The following TMEFF2 variants were observed in gnomAD, a reference collection of about 807,000 sequenced individuals.
The protein encoded by TMEFF2 is tomoregulin-2.
In TMEFF2, 28 loss-of-function variants were observed where a neutral mutation model predicts 53.8. That is an observed-to-expected ratio of 0.52 (90% confidence interval 0.39 to 0.71). The LOEUF (loss-of-function observed/expected upper bound fraction) is 0.71, where lower values mean the gene tolerates loss of function less well. Ranked by LOEUF, TMEFF2 falls within the 30% of genes least tolerant of loss-of-function variation. The pLI, the probability that TMEFF2 is intolerant of heterozygous loss-of-function variation, is 0.00. For synonymous variants in TMEFF2, 162 were observed against 166.3 expected, an observed-to-expected ratio of 0.97 and a Z score of 0.20; for missense variants, 353 against 455.2, an observed-to-expected ratio of 0.78 and a Z score of 2.04.
At chr2:192,084,880 G>A (rs1226028337) in intron 4 of TMEFF2, among the ~76,000 whole-genome samples, 1 of 152,084 alleles carries the variant, frequency 6.6e-6, no homozygotes, top group Non-Finnish European at 1.5e-5. Flanking sequence ...TGAATTACAG[G>A]CACTTTTTAG....
intron 4 of TMEFF2, among the ~76,000 whole-genome samples, chr2:192,123,956 C>T (rs1165579556): frequency 6.6e-6 from 1 of 152,208 alleles, no homozygotes; most frequent in Non-Finnish European, 1.5e-5. Context: ...TCTGTTGTGA[C>T]ATTTTGTTCT....
intron 4 of TMEFF2, among the ~76,000 whole-genome samples, chr2:192,079,836 T>C (rs1007321507): frequency 6.6e-6 from 1 of 152,186 alleles, no homozygotes; most frequent in African/African-American, 2.4e-5. Flanking sequence ...TCGTGTTGTG[T>C]AAATACAGCC....
chr2:192,077,918 C>G (rs1266410561), intron 4 of TMEFF2, among the ~76,000 whole-genome samples: 2 of 152,030 alleles, frequency 1.3e-5, no homozygotes, highest in Non-Finnish European at 1.5e-5. Flanking sequence ...AAATCTGACT[C>G]CTTGCCACCC....
intron 4 of TMEFF2, among the ~76,000 whole-genome samples, chr2:192,067,582 C>A (rs1353026156): frequency 6.6e-6 from 1 of 151,822 alleles, no homozygotes; most frequent in Non-Finnish European, 1.5e-5. Flanking sequence ...CAACTTTGTA[C>A]TTAATTCTTC....
intron 4 of TMEFF2, among the ~76,000 whole-genome samples, chr2:192,136,845 C>T (rs931174532): frequency 2.0e-5 from 3 of 152,132 alleles, no homozygotes; most frequent in South Asian, 2.1e-4. Flanking sequence ...ATCAAAAGAA[C>T]GTTATACTCC....
At chr2:192,177,237 A>G (rs1346885613) in intron 4 of TMEFF2, 1 of 151,208 alleles carries the variant, frequency 6.6e-6, no homozygotes, top group Non-Finnish European at 1.5e-5. Flanking sequence ...TACGAATTCT[A>G]CAAAAATACA....
chr2:192,099,782 C>A (rs913625935), intron 4 of TMEFF2, among the ~76,000 whole-genome samples: 2 of 143,984 alleles, frequency 1.4e-5, no homozygotes, highest in Non-Finnish European at 3.1e-5. Flanking sequence ...GATGGGATTG[C>A]TTTTTTTTTT....
intron 3 of TMEFF2, among the ~76,000 whole-genome samples, chr2:192,181,337 A>G (rs565337410): frequency 1.3e-5 from 2 of 152,002 alleles, no homozygotes; most frequent in South Asian, 4.1e-4. Flanking sequence ...GTGATAACAC[A>G]TTCTAAATAT....
intron 7 of TMEFF2, among the ~76,000 whole-genome samples, chr2:191,977,231 G>GGGAACTAGTT (rs796964876): frequency 1.1e-4 from 17 of 152,334 alleles, no homozygotes; most frequent in African/African-American, 4.1e-4. Context: ...TGGCTTGTGG[G>GGGAACTAGTT]GGAACTAGTT....
At chr2:191,999,917 A>G (rs921045910) in intron 5 of TMEFF2, among the ~76,000 whole-genome samples, 1 of 151,994 alleles carries the variant, frequency 6.6e-6, no homozygotes, top group African/African-American at 2.4e-5. Context: ...ATACACTACT[A>G]TTTTTCTACC....
chr2:192,071,339 G>A (rs1420642471), intron 4 of TMEFF2, among the ~76,000 whole-genome samples: 1 of 151,782 alleles, frequency 6.6e-6, no homozygotes, highest in Admixed American at 6.6e-5. Flanking sequence ...AATTTTGGGG[G>A]ATGTTCTACT....
chr2:191,975,208 G>A (rs1279358638), intron 7 of TMEFF2, among the ~76,000 whole-genome samples: 2 of 146,256 alleles, frequency 1.4e-5, no homozygotes, highest in Non-Finnish European at 1.5e-5. Flanking sequence ...CTAGGTAGTA[G>A]AGATAACTCT....
intron 7 of TMEFF2, among the ~76,000 whole-genome samples, chr2:191,988,943 TAAC>T (rs1163319542): frequency 6.6e-6 from 1 of 152,216 alleles, no homozygotes; most frequent in Non-Finnish European, 1.5e-5. Context: ...AGTTAAACAT[TAAC>T]AACGTCACCA....
intron 5 of TMEFF2, among the ~76,000 whole-genome samples, chr2:192,032,981 C>A (rs780076440): frequency 1.8e-4 from 27 of 152,158 alleles, no homozygotes; most frequent in Middle Eastern, 3.4e-3. Flanking sequence ...TATTTAATAC[C>A]TACACTAGTA....
chr2:191,953,641 TC>T, intron 9 of TMEFF2, 37 bp downstream of exon 9: 2 of 1,603,838 alleles, frequency 1.2e-6, no homozygotes, highest in South Asian at 1.1e-5. Context: ...TAACAATATA[TC>T]CCTTTATTTG....
chr2:191,950,979 AATT>A (rs1691857778), intron 9 of TMEFF2, among the ~76,000 whole-genome samples: 1 of 152,220 alleles, frequency 6.6e-6, no homozygotes, highest in Admixed American at 6.5e-5. Context: ...TATTCAGTCA[AATT>A]ATCTGAAAAT....
At chr2:192,084,908 C>T (rs1321336086) in intron 4 of TMEFF2, among the ~76,000 whole-genome samples, 5 of 152,170 alleles carry the variant, frequency 3.3e-5, no homozygotes, top group Non-Finnish European at 7.3e-5. Flanking sequence ...GTTTTACCTA[C>T]TGTTAAAAAT....
intron 4 of TMEFF2, among the ~76,000 whole-genome samples, chr2:192,138,325 A>C (rs1315312458): frequency 6.6e-6 from 1 of 152,352 alleles, no homozygotes; most frequent in South Asian, 2.1e-4. Context: ...TATCTGAGCC[A>C]ACGTAAGTGG....
intron 4 of TMEFF2, among the ~76,000 whole-genome samples, chr2:192,095,164 G>A (rs369157334): frequency 4.6e-5 from 7 of 152,050 alleles, no homozygotes; most frequent in African/African-American, 1.7e-4. Context: ...TGTGTAGACT[G>A]CAGAGTCCTA....
Sources: allele counts gnomAD v4.1 joint callset (sites outside exome capture counted in the v4.1 genomes callset), GRCh38; gene constraint gnomAD v4.1.1; transcripts MANE v1.5; gene names NCBI Gene and HGNC (gene_info 2026-07-23, HGNC 2026-07-21).